USP7: variants seen among roughly 807,000 people sequenced by gnomAD.
The protein encoded by USP7 is ubiquitin specific peptidase 7.
Under a neutral mutation model 162.9 loss-of-function variants are expected in USP7, and 9 were observed. That is an observed-to-expected ratio of 0.06 (90% confidence interval 0.03 to 0.10). USP7 has a LOEUF of 0.10. Among genes scored for constraint, USP7 ranks in the 10% least tolerant of loss-of-function variants. The probability of loss-of-function intolerance (pLI) is 1.00; values close to 1 mark genes in which losing one functional copy is unlikely to be tolerated. For missense variants in USP7, 715 were observed against 1,373.7 expected (o/e 0.52, Z 7.58); for synonymous variants, 562 against 475.9 (o/e 1.18, Z -2.35).
In USP7 at chr16:8,893,809, C is replaced by A; in HGVS notation, c.*189G>T. The A allele has an allele frequency of 1.7e-6, 1 of 577,782 alleles. No homozygotes were observed. The highest frequency in any genetic ancestry group is 2.1e-5 in the South Asian group (1 of 48,580). 35.8% of individuals were successfully genotyped at this position (577,782 alleles called of 1,614,324 possible). On this transcript the variant is annotated 3_prime_UTR_variant, in exon 31 of 31. Transcript: ENST00000344836. ...CATCCAAGCTTTATAAAAACATCTT[C>A]ATTTTGCTCAAAAAGGGCAGTCAAT... is the stretch of plus-strand genomic sequence containing the variant.
chr16:8,898,724 CTGGCCT>C, intron 23 of USP7, 85 bp from the exon 24 acceptor site: 1 of 1,126,132 alleles, frequency 8.9e-7, no homozygotes, highest in South Asian at 1.6e-5. Flanking sequence ...AAGCAAACCG[CTGGCCT>C]TACACCTGGT....
intron 12 of USP7, among the ~76,000 whole-genome samples, chr16:8,906,799 A>G (rs2447917): frequency 0.98 from 149,909 of 152,278 alleles, 73,835 homozygotes; most frequent in East Asian, 1. Context: ...TTTAGGGTGG[A>G]GGAATTCCAA....
chr16:8,909,114 C>T (rs534615759), intron 11 of USP7, among the ~76,000 whole-genome samples: 7 of 152,360 alleles, frequency 4.6e-5, no homozygotes, highest in African/African-American at 1.7e-4. Flanking sequence ...AACAAGCCTT[C>T]TATGGGGACA....
At chr16:8,937,863 G>A (rs1898836200) in intron 1 of USP7, among the ~76,000 whole-genome samples, 2 of 152,198 alleles carry the variant, frequency 1.3e-5, no homozygotes, top group African/African-American at 4.8e-5. Flanking sequence ...CAGGAGACCT[G>A]TAGCCAGTCT....
At position 8,899,642 on chromosome 16, in the gene USP7, A is replaced by C. The variant is rs750953463; in HGVS notation, c.2425T>G (p.Phe809Val). The C allele has an allele frequency of 6.2e-7, 1 of 1,614,252 alleles. No individual in the cohort carries two copies. Among genetic ancestry groups the C allele is most frequent in the South Asian group, 1.1e-5 (1 of 91,088 alleles). ...CDKTIPNDPG[F>V]VVTLSNRMNY... ...ATTCTATTTGATAACGTAACCACAA[A>C]TCCAGGATCATTAGGGATTGTTTTA... The change falls in exon 22 of 31, where the codon TTT (phenylalanine) becomes GTT (valine). Residue 809 changes from phenylalanine (F) to valine (V), a missense_variant. Transcript: ENST00000344836.
At chr16:8,898,846 C>G (rs2141167503) in intron 23 of USP7, 1 of 610,860 alleles carries the variant, frequency 1.6e-6, no homozygotes, top group Non-Finnish European at 2.8e-6. Flanking sequence ...AGTGACAAAA[C>G]ACACAGCAGC....
chr16:8,950,326 C>T (rs573865323), intron 1 of USP7, among the ~76,000 whole-genome samples: 1 of 152,056 alleles, frequency 6.6e-6, no homozygotes. Context: ...AGATGGGACC[C>T]AGTGCTCTCT....
At chr16:8,910,874 A>G in intron 10 of USP7, 47 bp from the exon 11 acceptor site, 1 of 1,494,834 alleles carries the variant, frequency 6.7e-7, no homozygotes, top group Non-Finnish European at 9.3e-7. Flanking sequence ...CTTCATTTAT[A>G]ATGTAGCCAA....
At chr16:8,962,521 G>C (rs553878758) in intron 1 of USP7, 10 of 449,720 alleles carry the variant, frequency 2.2e-5, no homozygotes, top group African/African-American at 6.0e-5. Flanking sequence ...ATGTGCGGCA[G>C]GGCTTTCGCA....
At chr16:8,902,669 CACGAGGTCGGGAGTTCAAG>C (rs1310998537) in intron 16 of USP7, among the ~76,000 whole-genome samples, 187 bp from the exon 17 acceptor site, 2 of 152,056 alleles carry the variant, frequency 1.3e-5, no homozygotes, top group Non-Finnish European at 2.9e-5. Context: ...GCAGGTGGAT[CACGAGGTCGGGAGTTCAAG>C]ACCAGCCTGG....
intron 2 of USP7, among the ~76,000 whole-genome samples, chr16:8,927,771 G>C (rs951425790): frequency 6.6e-6 from 1 of 152,252 alleles, no homozygotes; most frequent in Non-Finnish European, 1.5e-5. Flanking sequence ...AGGAGGTGGA[G>C]GTTGCAGTGA....
In USP7 at chr16:8,902,458, A is replaced by G. The variant is rs374895416; in HGVS notation, c.1864T>C (p.Leu622=). ...TMGFPQDQIR[L]WPMQARSNGT... ...TTACTCCTTGCTTGCATGGGCCACA[A>G]TCGAATTTGATCTTGTGGAAATCCC... The change falls in exon 17 of 31, where the codon TTG becomes CTG. Residue 622 remains leucine (L), a synonymous_variant. Transcript: ENST00000344836. The G allele has an allele frequency of 5.1e-5, 83 of 1,613,772 alleles. No individual in the cohort carries two copies. The highest frequency in any genetic ancestry group is 6.7e-5 in the Non-Finnish European group (79 of 1,179,970).
chr16:8,937,457 A>C (rs1596401426), intron 1 of USP7, among the ~76,000 whole-genome samples: 1 of 152,168 alleles, frequency 6.6e-6, no homozygotes, highest in Non-Finnish European at 1.5e-5. Context: ...CAGGAGAATC[A>C]CTTGAACCCA....
In USP7 at chr16:8,895,672, A is replaced by C; in HGVS notation, c.2889T>G (p.Ser963=). Residue 963 remains serine, a synonymous_variant, in exon 27 of 31, where the codon TCT becomes TCG. Transcript: ENST00000344836. Reference sequence around the variant, plus strand: ...TTCGAAACGTCCGGCTCGTTGCAGGAGATAAACATTCTAATAGTTCATCTT... The same window carrying C: ...TTCGAAACGTCCGGCTCGTTGCAGGCGATAAACATTCTAATAGTTCATCTT... The part of the protein sequence containing the change: ...HQEDELLECL[S]PATSRTFRIE... The C allele has an allele frequency of 6.2e-7, 1 of 1,613,694 alleles. No homozygotes were observed.
At chr16:8,922,359 A>T (rs30762) in intron 3 of USP7, among the ~76,000 whole-genome samples, 146,885 of 152,284 alleles carry the variant, frequency 0.96, 71,022 homozygotes, top group Non-Finnish European at 1. Flanking sequence ...GTGGTGGCAC[A>T]CGCCTATAGT....
At chr16:8,894,226 A>AG in intron 30 of USP7, 122 bp from the exon 31 acceptor site, 1 of 926,574 alleles carries the variant, frequency 1.1e-6, no homozygotes, top group Non-Finnish European at 1.7e-6. Flanking sequence ...CAGGGAAGCC[A>AG]GGACCTGAGC....
chr16:8,954,859 C>T (rs1186603797), intron 1 of USP7, among the ~76,000 whole-genome samples: 2 of 152,124 alleles, frequency 1.3e-5, no homozygotes, highest in East Asian at 3.9e-4. Context: ...ACTCAGGAGG[C>T]TGAGGCGGGA....
intron 2 of USP7, among the ~76,000 whole-genome samples, chr16:8,923,742 T>C (rs1025340394): frequency 1.3e-5 from 2 of 151,926 alleles, no homozygotes; most frequent in African/African-American, 4.8e-5. Flanking sequence ...TGGAGAGACC[T>C]TGGAGAGAAG....
chr16:8,947,594 C>G (rs118147217), intron 1 of USP7, among the ~76,000 whole-genome samples: 1 of 152,068 alleles, frequency 6.6e-6, no homozygotes, highest in Non-Finnish European at 1.5e-5. Flanking sequence ...GTGATCCACC[C>G]GCTTCAGCCT....
Sources: gnomAD v4.1 joint callset for allele counts (sites outside exome capture counted in the v4.1 genomes callset) on GRCh38, gnomAD v4.1.1 for gene constraint, MANE v1.5 for transcripts, NCBI Gene and HGNC (gene_info 2026-07-23, HGNC 2026-07-21) for gene names.